The following WDR33 variants were observed in gnomAD, a reference collection of about 807,000 sequenced individuals.
WDR33 encodes pre-mRNA 3' end processing protein WDR33.
In WDR33, 47 loss-of-function variants were observed where a neutral mutation model predicts 164.9. The observed-to-expected ratio is 0.29, with a 90% CI of 0.23 to 0.36. The LOEUF is 0.36. Among genes scored for constraint, WDR33 ranks in the 10% least tolerant of loss-of-function variants. The pLI, the probability that WDR33 is intolerant of heterozygous loss-of-function variation, is 1.00. For synonymous variants in WDR33, 505 were observed against 589.0 expected (o/e 0.86, Z 2.06); for missense variants, 1,137 against 1,754.1 (o/e 0.65, Z 6.28).
At chr2:127,810,602 C>T (rs1251479805) in intron 1 of WDR33, 1 of 152,256 alleles carries the variant, frequency 6.6e-6, no homozygotes, top group Non-Finnish European at 1.5e-5. Flanking sequence ...GCTAAGTCTT[C>T]AGCTGTTTTG....
Position 127,713,982 on chromosome 2 carries a change from A to T in WDR33, c.2909T>A (p.Met970Lys). 1 of 1,545,518 alleles carries T rather than the reference A, an allele frequency of 6.5e-7. No individual in the cohort carries two copies. Among genetic ancestry groups the T allele is most frequent in the Non-Finnish European group, 8.7e-7 (1 of 1,148,976 alleles). The change falls in exon 18 of 22, where the codon ATG becomes AAG. Residue 970 changes from methionine to lysine, a missense_variant. Around this residue, in one of 9 missense-constraint regions of WDR33, gnomAD observed 867 missense variants for 1,073.0 expected, o/e 0.81. Transcript: ENST00000322313. The surrounding 1 kb of genome is among the most constrained non-coding windows in gnomAD (Gnocchi z 6.2). ...RGPPNHHMGP[M>K]SERRHEQSGG... ...GCTCTGCTCATGCCGCCTCTCTGACATCGGGCCCATGTGATGGTTTGGAGG... is the reference window on the plus strand; with the variant it reads ...GCTCTGCTCATGCCGCCTCTCTGACTTCGGGCCCATGTGATGGTTTGGAGG...
intron 1 of WDR33, among the ~76,000 whole-genome samples, chr2:127,774,982 T>C (rs1185620718): frequency 6.6e-6 from 1 of 152,118 alleles, no homozygotes; most frequent in Non-Finnish European, 1.5e-5. Context: ...GGCTGGGGAA[T>C]GAGAGGAATG....
intron 21 of WDR33, among the ~76,000 whole-genome samples, chr2:127,707,903 A>T (rs1231892563): frequency 6.6e-6 from 1 of 152,168 alleles, no homozygotes; most frequent in Non-Finnish European, 1.5e-5. Context: ...TGCTTGCAGT[A>T]AGCCAAGATC....
chr2:127,795,007 T>A (rs1688983799), intron 1 of WDR33, among the ~76,000 whole-genome samples: 1 of 151,574 alleles, frequency 6.6e-6, no homozygotes, highest in Non-Finnish European at 1.5e-5. Context: ...AAAAATAAAA[T>A]ACTTTCTATT....
chr2:127,781,019 C>A (rs1423045673), intron 1 of WDR33, among the ~76,000 whole-genome samples: 1 of 152,058 alleles, frequency 6.6e-6, no homozygotes, highest in Non-Finnish European at 1.5e-5. Flanking sequence ...CCCCACCACA[C>A]CCGGCTAATT....
chr2:127,788,363 G>C (rs1165772019), intron 1 of WDR33, among the ~76,000 whole-genome samples: 1 of 111,698 alleles, frequency 9.0e-6, no homozygotes, highest in East Asian at 2.9e-4. Context: ...CTTCCCAGTA[G>C]GGGCGGCCGG....
intron 1 of WDR33, among the ~76,000 whole-genome samples, chr2:127,790,486 G>T (rs980986808): frequency 8.5e-5 from 13 of 152,326 alleles, no homozygotes; most frequent in African/African-American, 2.4e-4. Context: ...TTTCCTGGAT[G>T]AGAGTATGTA....
intron 1 of WDR33, among the ~76,000 whole-genome samples, chr2:127,779,638 G>C (rs554331853): frequency 2.0e-5 from 3 of 152,186 alleles, no homozygotes; most frequent in Admixed American, 1.3e-4. Context: ...CTTGCTGTTA[G>C]TAACACTGTG....
chr2:127,706,845 G>A lies in WDR33; in HGVS notation c.3782-293C>T, dbSNP rs1480129939. ...GCAAGGAGCACCTTCAGGGAGACCCGGGCCACACTGGGCCATGTCCCAGGC... is the reference window on the plus strand; with the variant it reads ...GCAAGGAGCACCTTCAGGGAGACCCAGGCCACACTGGGCCATGTCCCAGGC... On this transcript the variant is annotated intron_variant, in intron 21 of 21. Coordinates refer to ENST00000322313, the MANE Select transcript of WDR33 (RefSeq NM_018383.5). This position sits in a 1 kb window ranked among gnomAD's most constrained non-coding sequence, Gnocchi z 5.1. Among the ~76,000 whole-genome samples, 1 of 152,208 alleles carries A rather than the reference G, an allele frequency of 6.6e-6. No homozygotes were observed. Among genetic ancestry groups the A allele is most frequent in the Non-Finnish European group, 1.5e-5 (1 of 68,030 alleles).
chr2:127,759,769 T>C (rs1351086492), intron 7 of WDR33, among the ~76,000 whole-genome samples: 1 of 150,968 alleles, frequency 6.6e-6, no homozygotes, highest in Non-Finnish European at 1.5e-5. Flanking sequence ...AAGTCCAGTG[T>C]GGTGGCTCAC....
At chr2:127,766,434 TTC>T in intron 4 of WDR33, among the ~76,000 whole-genome samples, 1 of 152,312 alleles carries the variant, frequency 6.6e-6, no homozygotes, top group Middle Eastern at 3.4e-3. Context: ...TCTTTCTAGT[TTC>T]TGTTATCTGG....
intron 8 of WDR33, among the ~76,000 whole-genome samples, chr2:127,725,930 A>G (rs1257116512): frequency 3.9e-5 from 6 of 152,126 alleles, no homozygotes; most frequent in Admixed American, 3.9e-4. Flanking sequence ...AATGGACTGG[A>G]AAGTCTGAAA....
At chr2:127,786,844 C>CTTTTT (rs71307273) in intron 1 of WDR33, among the ~76,000 whole-genome samples, 4,506 of 111,224 alleles carry the variant, frequency 0.041, 103 homozygotes, top group Middle Eastern at 0.091. Context: ...CCTTTCTGTT[C>CTTTTT]TTTTTTTTTT....
rs139746189 is a variant in WDR33, at chr2:127,765,600, G to A, written c.379-331C>T. ...AAGACCTCATTTCCCTAGGCTATAC[G>A]ATAGACTAACATAAATAAGGTGATC... On this transcript the variant is annotated intron_variant, in intron 4 of 21. Coordinates refer to ENST00000322313, the MANE Select transcript of WDR33 (RefSeq NM_018383.5). 2.3e-3 allele frequency among the ~76,000 whole-genome samples: 344 copies of A among 152,074 alleles called. 2 individuals are homozygous for A. Among genetic ancestry groups the A allele is most frequent in the Admixed American group, 4.6e-3 (70 of 15,268 alleles).
intron 7 of WDR33, among the ~76,000 whole-genome samples, chr2:127,742,277 C>G (rs927278988): frequency 6.6e-6 from 1 of 151,928 alleles, no homozygotes; most frequent in Non-Finnish European, 1.5e-5. Flanking sequence ...TCTGTAATCC[C>G]AGGACCTTGG....
At position 127,763,763 on chromosome 2, in the gene WDR33, G is replaced by A. The variant is rs1687745929; in HGVS notation, c.627-604C>T. 1 of 985,484 alleles carries A rather than the reference G, an allele frequency of 1.0e-6. No homozygotes were observed. The highest frequency in any genetic ancestry group is 6.1e-5 in the Admixed American group (1 of 16,274). The allele number at this position is 985,484 out of a possible 1,614,324, so 61.0% of individuals were successfully genotyped here. On this transcript the variant is annotated intron_variant, in intron 6 of 21. Transcript: ENST00000322313. This position sits in a 1 kb window ranked among gnomAD's most constrained non-coding sequence, Gnocchi z 4.5. Reference sequence around the variant, plus strand: ...AAAATAAGGACATTCAGACTTGTGTGTAAAGCCAAAGAATCTGCTGCAAGA... The same window carrying A: ...AAAATAAGGACATTCAGACTTGTGTATAAAGCCAAAGAATCTGCTGCAAGA...
chr2:127,808,739 T>C (rs1689524097), intron 1 of WDR33, among the ~76,000 whole-genome samples: 1 of 150,586 alleles, frequency 6.6e-6, no homozygotes, highest in Non-Finnish European at 1.5e-5. Context: ...TACTAAAAAA[T>C]ACAAAAATTG....
intron 7 of WDR33, among the ~76,000 whole-genome samples, chr2:127,750,677 A>AAAAAAT (rs1558936792): frequency 5.6e-5 from 2 of 35,794 alleles, no homozygotes; most frequent in Non-Finnish European, 8.8e-5. Flanking sequence ...AAAAAAAAAA[A>AAAAAAT]ATATATATAT....
Position 127,722,500 on chromosome 2 carries a change from A to C in WDR33, c.1518+91T>G. 1 of 1,525,098 alleles carries C rather than the reference A, an allele frequency of 6.6e-7. No individual in the cohort carries two copies. The highest frequency in any genetic ancestry group is 8.8e-7 in the Non-Finnish European group (1 of 1,135,338). The allele number at this position is 1,525,098 out of a possible 1,614,324, so 94.5% of individuals were successfully genotyped here. A position where few individuals can be genotyped will look rare whatever the true frequency, so the allele number is the denominator to read the frequency against. On this transcript the variant is annotated intron_variant, in intron 14 of 21. Coordinates refer to ENST00000322313, the MANE Select transcript of WDR33 (RefSeq NM_018383.5). The surrounding 1 kb of genome is among the most constrained non-coding windows in gnomAD (Gnocchi z 5.1). ...ATGGGAAAAATGCTCCAGTACAGAAACACCTTCAACAGTGAGATAATCCAA... is the reference window on the plus strand; with the variant it reads ...ATGGGAAAAATGCTCCAGTACAGAACCACCTTCAACAGTGAGATAATCCAA...
Sources: allele counts gnomAD v4.1 joint callset (sites outside exome capture counted in the v4.1 genomes callset), GRCh38; gene constraint gnomAD v4.1.1; regional missense constraint gnomAD v4.1.1; non-coding constraint Gnocchi (gnomAD v3.1); transcripts MANE v1.5; gene names NCBI Gene and HGNC (gene_info 2026-07-23, HGNC 2026-07-21).